CREBBP: variants seen among roughly 807,000 people sequenced by gnomAD.
CREBBP encodes the protein CREB-binding protein.
Under a neutral mutation model 265.0 loss-of-function variants are expected in CREBBP, and 19 were observed. That is an observed-to-expected ratio of 0.07 (90% CI 0.05 to 0.11). The LOEUF (loss-of-function observed/expected upper bound fraction) is 0.11. CREBBP is among the 10% of genes least tolerant of loss of function. CREBBP has a pLI of 1.00. For synonymous variants in CREBBP, 1,457 were observed against 1,223.7 expected (o/e 1.19, Z -3.98); for missense variants, 2,525 against 3,219.0 (o/e 0.78, Z 5.22).
rs2053175196 is a variant in CREBBP at position 3,777,633 on chromosome 16, T to A, written c.2138A>T (p.Asn713Ile). 2 of 1,614,028 alleles carry A rather than the reference T, an allele frequency of 1.2e-6. No homozygotes were observed. The highest frequency in any genetic ancestry group is 1.7e-6 in the Non-Finnish European group (2 of 1,180,044). ...AATACCTTGAGAAACTTGCATGCGA[T>A]TCACTGGCAGGGACAGGGGTCCATC... ...PPNGPLSLPV[N>I]RMQVSQGMNS... is the part of the protein sequence containing the mutation. Residue 713 changes from asparagine (N) to isoleucine (I), a missense_variant, in exon 11 of 31, where the codon AAT (asparagine) becomes ATT (isoleucine). Asn to Ile is a moderately radical substitution (Grantham distance 149). Around this residue, in one of 19 missense-constraint regions of CREBBP, gnomAD observed 548 missense variants for 533.0 expected, o/e 1.03. Transcript: ENST00000262367.
chr16:3,859,427 C>G (rs1057031394), intron 1 of CREBBP, among the ~76,000 whole-genome samples: 44 of 152,186 alleles, frequency 2.9e-4, no homozygotes, highest in African/African-American at 1.1e-3. Flanking sequence ...CTCCCAACCT[C>G]AGGTGATCCA....
At chr16:3,851,741 C>A (rs527421892) in intron 1 of CREBBP, among the ~76,000 whole-genome samples, 5 of 151,454 alleles carry the variant, frequency 3.3e-5, no homozygotes, top group Admixed American at 1.3e-4. Flanking sequence ...GTAGTCCCAG[C>A]TACTCGGGAG....
rs899656123 is a variant in CREBBP at position 3,731,984 on chromosome 16, A to G, written c.4729-47T>C. On this transcript the variant is annotated intron_variant, in intron 28 of 30. Coordinates refer to ENST00000262367, the MANE Select transcript of CREBBP (RefSeq NM_004380.3). This position sits in a 1 kb window ranked among gnomAD's most constrained non-coding sequence, Gnocchi z 7.7. ...TGAGACCAGGCAAGTGCCCCTCCAC[A>G]CTTGGCACGGACGCCCAGCTCCCAG... 2 of 1,613,614 alleles carry G rather than the reference A, an allele frequency of 1.2e-6. No homozygotes were observed. The highest frequency in any genetic ancestry group is 1.7e-6 in the Non-Finnish European group (2 of 1,179,994).
rs35125490 is a variant in CREBBP, at chr16:3,762,361, C to CTTTT, written c.3251-3393_3251-3390dup. Among the ~76,000 whole-genome samples, 133 of 118,690 alleles carry CTTTT rather than the reference C, an allele frequency of 1.1e-3. 1 individual carries two copies. The highest frequency in any genetic ancestry group is 3.4e-3 in the African/African-American group (106 of 31,186). 77.9% of individuals were successfully genotyped at this position (118,690 alleles called of 152,430 possible). ...CGTGCTGAGGAGAGCATTTTCTTTC[C>CTTTT]TTTTTTTTTTTTTTTTTTTTGAGAT... On this transcript the variant is annotated intron_variant, in intron 16 of 30. Transcript: ENST00000262367.
chr16:3,799,039 C>T (rs1247992206), intron 3 of CREBBP, among the ~76,000 whole-genome samples: 2 of 152,256 alleles, frequency 1.3e-5, no homozygotes, highest in South Asian at 2.1e-4. Context: ...ACATGAACTC[C>T]GAAAACATGC....
At chr16:3,816,991 T>C (rs940003336) in intron 2 of CREBBP, among the ~76,000 whole-genome samples, 1 of 152,188 alleles carries the variant, frequency 6.6e-6, no homozygotes, top group Non-Finnish European at 1.5e-5. Flanking sequence ...GCAGGAACAG[T>C]GCCCTTTCTA....
At chr16:3,745,237 C>G in intron 22 of CREBBP, 40 bp downstream of exon 22, 1 of 1,579,138 alleles carries the variant, frequency 6.3e-7, no homozygotes, top group Non-Finnish European at 8.7e-7. Context: ...GCCACTGGCT[C>G]TGTGCAGAAC....
rs1487050319 is a variant in CREBBP at position 3,880,017 on chromosome 16, G to C, written c.-101C>G. 2 of 1,030,028 alleles carry C rather than the reference G, an allele frequency of 1.9e-6. No individual in the cohort carries two copies. The highest frequency in any genetic ancestry group is 2.5e-6 in the Non-Finnish European group (2 of 792,952). The allele number at this position is 1,030,028 out of a possible 1,614,324, so 63.8% of individuals were successfully genotyped here. A position where few individuals can be genotyped will look rare whatever the true frequency, so the allele number is the denominator to read the frequency against. Reference sequence around the variant, plus strand: ...TGCCGGCTGCGAGGGAGAGGAGCGAGCGCGGGCCGCGAGCGGGCGGGCGGG... The same window carrying C: ...TGCCGGCTGCGAGGGAGAGGAGCGACCGCGGGCCGCGAGCGGGCGGGCGGG... On this transcript the variant is annotated 5_prime_UTR_variant, in exon 1 of 31. Transcript: ENST00000262367.
rs75956549 is a variant in CREBBP, at chr16:3,785,615, G to A, written c.1331-2689C>T. Among the ~76,000 whole-genome samples, 211 of 152,342 alleles carry A rather than the reference G, an allele frequency of 1.4e-3. No homozygotes were observed. The East Asian group carries it at 0.021, about 15-fold the overall frequency. On this transcript the variant is annotated intron_variant, in intron 5 of 30. Transcript: ENST00000262367. The stretch of plus-strand genomic sequence containing the variant: ...AGCGGCCAGCACATCGTGGGCCCTC[G>A]CAGCGCAGCCCATGGAGTGTCTTGG...
rs1235554556 is a variant in CREBBP, at chr16:3,780,940, G to C, written c.1677-62C>G. ...AAGTGACTCAAACACACTTTGTCTA[G>C]TAAGGTTCTTCTGCCACCACATGTG... is the stretch of plus-strand genomic sequence containing the variant. On this transcript the variant is annotated intron_variant, in intron 7 of 30. Transcript: ENST00000262367. The C allele has an allele frequency of 2.5e-6, 4 of 1,592,342 alleles. No homozygotes were observed. The African/African-American group carries it at 5.4e-5, about 21-fold the overall frequency.
chr16:3,822,556 G>A (rs940325194), intron 2 of CREBBP, among the ~76,000 whole-genome samples: 3 of 152,170 alleles, frequency 2.0e-5, no homozygotes, highest in Non-Finnish European at 2.9e-5. Flanking sequence ...GCCCTGGGAG[G>A]TGACGTGAGG....
At chr16:3,860,134 G>C (rs2055044094) in intron 1 of CREBBP, among the ~76,000 whole-genome samples, 1 of 152,018 alleles carries the variant, frequency 6.6e-6, no homozygotes, top group Admixed American at 6.6e-5. Flanking sequence ...GTGTGGCTGG[G>C]GGCATCTCCA....
At position 3,849,423 on chromosome 16, in the gene CREBBP, GTGTGTGTGTGTGTGT is replaced by G. The variant is rs1567360019; in HGVS notation, c.798+859_798+873del. Among the ~76,000 whole-genome samples the G allele has an allele frequency of 7.3e-3, 72 of 9,840 alleles. 2 individuals carry two copies. The highest frequency in any genetic ancestry group is 0.011 in the Non-Finnish European group (13 of 1,176). The allele number at this position is 9,840 out of a possible 152,430, so 6.5% of individuals were successfully genotyped here. On this transcript the variant is annotated intron_variant, in intron 2 of 30. Coordinates refer to ENST00000262367, the MANE Select transcript of CREBBP (RefSeq NM_004380.3). Reference sequence around the variant, plus strand: ...TGTGTGTGTGTGTGTGTGTGTGTGTGTGTGTGTGTGTGTGTGTGTGTGTGTGTGTGTGTGTGTGTG... The same window carrying G: ...TGTGTGTGTGTGTGTGTGTGTGTGTGGTGTGTGTGTGTGTGTGTGTGTGTG...
chr16:3,809,243 T>C (rs2053890217), intron 3 of CREBBP, among the ~76,000 whole-genome samples: 1 of 151,912 alleles, frequency 6.6e-6, no homozygotes, highest in Non-Finnish European at 1.5e-5. Flanking sequence ...AGTGGCGCGA[T>C]CTCCGCTCAC....
At chr16:3,806,813 C>A (rs1197397095) in intron 3 of CREBBP, among the ~76,000 whole-genome samples, 5 of 152,142 alleles carry the variant, frequency 3.3e-5, no homozygotes, top group Non-Finnish European at 7.4e-5. Context: ...CTTCCACTCA[C>A]GCCCTGCTCC....
intron 28 of CREBBP, among the ~76,000 whole-genome samples, chr16:3,734,833 G>A (rs1487996432): frequency 2.0e-5 from 3 of 152,148 alleles, no homozygotes; most frequent in Non-Finnish European, 2.9e-5. Context: ...CAGCCCATCC[G>A]GCACCCACCT....
intron 2 of CREBBP, among the ~76,000 whole-genome samples, chr16:3,845,664 T>C (rs556196888): frequency 6.6e-6 from 1 of 151,986 alleles, no homozygotes; most frequent in African/African-American, 2.4e-5. Flanking sequence ...GGTGGGTGGA[T>C]CGCTTGAGCT....
At chr16:3,858,884 T>C (rs1451550485) in intron 1 of CREBBP, among the ~76,000 whole-genome samples, 2 of 152,194 alleles carry the variant, frequency 1.3e-5, no homozygotes, top group East Asian at 3.9e-4. Context: ...TTAAATGGCA[T>C]AATGTAGGAT....
At position 3,791,936 on chromosome 16, in the gene CREBBP, C is replaced by A. The variant is rs770474280; in HGVS notation, c.1330+45G>T. On this transcript the variant is annotated intron_variant, in intron 5 of 30. Coordinates refer to ENST00000262367, the MANE Select transcript of CREBBP (RefSeq NM_004380.3). The stretch of plus-strand genomic sequence containing the variant: ...CTCTCTGAATTTTCTTTAGAAACAA[C>A]TTCTATTCTCATCTCCAAGCTTCTC... 4 of 1,495,704 alleles carry A rather than the reference C, an allele frequency of 2.7e-6. No individual in the cohort carries two copies. In the East Asian group the frequency reaches 9.0e-5, roughly 34 times the overall value. The allele number at this position is 1,495,704 out of a possible 1,614,324, so 92.7% of individuals were successfully genotyped here. A position where few individuals can be genotyped will look rare whatever the true frequency, so the allele number is the denominator to read the frequency against.
Sources: allele counts gnomAD v4.1 joint callset (sites outside exome capture counted in the v4.1 genomes callset), GRCh38; gene constraint gnomAD v4.1.1; regional missense constraint gnomAD v4.1.1; non-coding constraint Gnocchi (gnomAD v3.1); transcripts MANE v1.5; gene names NCBI Gene and HGNC (gene_info 2026-07-23, HGNC 2026-07-21).